CCDC81: variants seen among roughly 807,000 people sequenced by gnomAD.
The protein encoded by CCDC81 is coiled-coil domain-containing protein 81.
CCDC81 carries 79 observed loss-of-function variants against 83.7 expected under a neutral mutation model. That is an observed-to-expected ratio of 0.94 (90% CI 0.79 to 1.14). The LOEUF (loss-of-function observed/expected upper bound fraction) is 1.14. Among genes scored for constraint, CCDC81 ranks in the 50% most tolerant of loss-of-function variants. CCDC81 has a pLI of 0.00. For missense variants in CCDC81, 791 were observed against 778.1 expected (o/e 1.02, Z -0.20); for synonymous variants, 252 against 278.1 (o/e 0.91, Z 0.93).
chr11:86,384,345 G>T (rs1948212578), intron 1 of CCDC81, among the ~76,000 whole-genome samples: 1 of 152,072 alleles, frequency 6.6e-6, no homozygotes, highest in Admixed American at 6.6e-5. Flanking sequence ...AAGGTAGGGT[G>T]GGCAGAGTAA....
chr11:86,412,426 C>A lies in CCDC81; in HGVS notation c.1258C>A (p.Leu420Ile). 1.2e-6 allele frequency: 2 copies of A among 1,612,992 alleles called. No homozygotes were observed. The highest frequency in any genetic ancestry group is 1.7e-6 in the Non-Finnish European group (2 of 1,179,558). Residue 420 changes from leucine to isoleucine, a missense_variant, in exon 11 of 15, where the codon CTT becomes ATT. Physicochemically the swap from Leu to Ile is conservative, Grantham distance 5. Coordinates refer to ENST00000445632, the MANE Select transcript of CCDC81 (RefSeq NM_001156474.2). ...TGACAAACGGCCACTCAGTCCTGCG[C>A]TTAATGCTCTTAAGCAAGAGGAATA... ...LFDKRPLSPA[L>I]NALKQEEYSR...
intron 3 of CCDC81, among the ~76,000 whole-genome samples, chr11:86,389,770 T>A (rs1948297501): frequency 6.6e-6 from 1 of 152,212 alleles, no homozygotes; most frequent in South Asian, 2.1e-4. Flanking sequence ...TTTTAAATAT[T>A]AGTAAGACAT....
At chr11:86,395,797 A>G (rs1338036479) in intron 5 of CCDC81, among the ~76,000 whole-genome samples, 1 of 151,870 alleles carries the variant, frequency 6.6e-6, no homozygotes, top group Admixed American at 6.6e-5. Flanking sequence ...TAATTTTTGT[A>G]CTTTTAGTAG....
intron 14 of CCDC81, among the ~76,000 whole-genome samples, chr11:86,421,043 T>C (rs1018288658): frequency 6.6e-6 from 1 of 152,106 alleles, no homozygotes; most frequent in South Asian, 2.1e-4. Context: ...CAGGAAATAA[T>C]GTTGAGTGGC....
At chr11:86,381,209 C>T (rs1203281872) in intron 1 of CCDC81, among the ~76,000 whole-genome samples, 1 of 152,108 alleles carries the variant, frequency 6.6e-6, no homozygotes, top group Non-Finnish European at 1.5e-5. Flanking sequence ...CTAAAGTGGA[C>T]TGGAGTTGGT....
At chr11:86,409,416 T>G in intron 10 of CCDC81, 51 bp downstream of exon 10, 1 of 881,806 alleles carries the variant, frequency 1.1e-6, no homozygotes, top group African/African-American at 1.7e-5. Context: ...TCTGTGAGCC[T>G]TTGGATCCAC....
intron 6 of CCDC81, among the ~76,000 whole-genome samples, chr11:86,399,575 C>G (rs1948456467): frequency 6.6e-6 from 1 of 152,104 alleles, no homozygotes; most frequent in Non-Finnish European, 1.5e-5. Flanking sequence ...CTCGGCCTCC[C>G]AAAGTGTTGG....
Position 86,415,913 on chromosome 11 carries a change from A to G in CCDC81, c.1691+600A>G, listed in dbSNP as rs1474705452. Among the ~76,000 whole-genome samples the G allele has an allele frequency of 2.0e-5, 3 of 152,080 alleles. No individual in the cohort carries two copies. In the East Asian group the frequency reaches 5.8e-4, roughly 29 times the overall value. On this transcript the variant is annotated intron_variant, in intron 13 of 14. Coordinates refer to ENST00000445632, the MANE Select transcript of CCDC81 (RefSeq NM_001156474.2). Reference sequence around the variant, plus strand: ...GGTCTTGAACTTCAGGGTTCAAGCAATCCTCCTGCCTCAGCTTCCCAAAGT... The same window carrying G: ...GGTCTTGAACTTCAGGGTTCAAGCAGTCCTCCTGCCTCAGCTTCCCAAAGT...
chr11:86,395,408 T>G lies in CCDC81; in HGVS notation c.630T>G (p.Phe210Leu), dbSNP rs1948392977. 1 of 1,613,920 alleles carries G rather than the reference T, an allele frequency of 6.2e-7. No individual in the cohort carries two copies. The highest frequency in any genetic ancestry group is 8.5e-7 in the Non-Finnish European group (1 of 1,179,856). ...LRKWPSSVLA[F>L]PRIELKEMEN... The stretch of plus-strand genomic sequence containing the variant: ...AGTGGCCCAGCAGTGTGCTTGCGTT[T>G]CCAAGGTGAGTGCTTTGCTTCACGG... Residue 210 changes from phenylalanine to leucine, a missense_variant, in exon 5 of 15, where the codon TTT becomes TTG. Transcript: ENST00000445632.
chr11:86,401,230 G>A (rs927730024), intron 7 of CCDC81, among the ~76,000 whole-genome samples: 5 of 152,138 alleles, frequency 3.3e-5, no homozygotes, highest in African/African-American at 1.2e-4. Flanking sequence ...AACATTACTT[G>A]AATGAATGAG....
intron 2 of CCDC81, 91 bp from the exon 3 acceptor site, chr11:86,387,425 T>C: frequency 7.8e-7 from 1 of 1,284,326 alleles, no homozygotes; most frequent in Non-Finnish European, 1.1e-6. Flanking sequence ...CTAAGCTTAC[T>C]TCTCTTCGTG....
At chr11:86,381,213 AGTTG>A (rs769377578) in intron 1 of CCDC81, among the ~76,000 whole-genome samples, 6 of 152,096 alleles carry the variant, frequency 3.9e-5, no homozygotes, top group Non-Finnish European at 5.9e-5. Flanking sequence ...AGTGGACTGG[AGTTG>A]GTCATTTTCC....
In CCDC81 at chr11:86,415,166, G is replaced by GTGA. The variant is rs771467801; in HGVS notation, c.1545_1547dup (p.Gly515_Glu516insAsp). 4.3e-6 allele frequency: 7 copies of GTGA among 1,614,202 alleles called. No individual in the cohort carries two copies. The South Asian group carries it at 7.7e-5, about 18-fold the overall frequency. On this transcript the variant is annotated inframe_insertion, in exon 13 of 15. Coordinates refer to ENST00000445632, the MANE Select transcript of CCDC81 (RefSeq NM_001156474.2). ...GAGCCCATCTTTGGTAAGAATGAGG[G>GTGA]TGAACTGATGGTGGAAAAGCAAAAG...
At chr11:86,375,364 C>T in intron 1 of CCDC81, 122 bp downstream of exon 1, 1 of 743,626 alleles carries the variant, frequency 1.3e-6, no homozygotes, top group Admixed American at 2.6e-5. Context: ...GGCTAAGTTG[C>T]CTTGACAACC....
At position 86,397,698 on chromosome 11, in the gene CCDC81, AG is replaced by A. The variant is rs762777231; in HGVS notation, c.714del (p.Lys238AsnfsTer4). 1,904 of 1,613,944 alleles carry A rather than the reference AG, an allele frequency of 1.2e-3. 1 individual carries two copies. Among genetic ancestry groups the A allele is most frequent in the Non-Finnish European group, 1.5e-3 (1,788 of 1,179,916 alleles). On this transcript the variant is annotated frameshift_variant, in exon 6 of 15. Coordinates refer to ENST00000445632, the MANE Select transcript of CCDC81 (RefSeq NM_001156474.2). LOFTEE classifies it high-confidence loss of function. Reference sequence around the variant, plus strand: ...GAATGTGGAGAGAATAGAGAAAGGAAGTGCAAGTTAAAAGACCAGTCAGACA... The same window carrying A: ...GAATGTGGAGAGAATAGAGAAAGGAATGCAAGTTAAAAGACCAGTCAGACA... ...VEECGENRERKCKLKDQSDKE... is the reference protein window; with the variant it reads ...VEECGENRERXCKLKDQSDKE...
intron 1 of CCDC81, among the ~76,000 whole-genome samples, chr11:86,383,307 T>C (rs76265473): frequency 0.13 from 19,252 of 152,232 alleles, 1,975 homozygotes; most frequent in African/African-American, 0.28. Context: ...TGCTATACTA[T>C]TCCATATATC....
At chr11:86,376,278 G>T (rs1948097152) in intron 1 of CCDC81, among the ~76,000 whole-genome samples, 2 of 152,074 alleles carry the variant, frequency 1.3e-5, no homozygotes, top group Non-Finnish European at 2.9e-5. Context: ...GATTTTTTAG[G>T]GTAGTTGTAG....
At chr11:86,379,265 T>A (rs1050506546) in intron 1 of CCDC81, among the ~76,000 whole-genome samples, 3 of 151,984 alleles carry the variant, frequency 2.0e-5, no homozygotes, top group Non-Finnish European at 4.4e-5. Context: ...CCTGGCTAAT[T>A]TTTTGTATTT....
chr11:86,403,254 TA>T (rs560182184), intron 7 of CCDC81, among the ~76,000 whole-genome samples: 1 of 151,842 alleles, frequency 6.6e-6, no homozygotes, highest in African/African-American at 2.4e-5. Context: ...TACTTTTTCT[TA>T]AAAAAAAGTT....
Sources: allele counts gnomAD v4.1 joint callset (sites outside exome capture counted in the v4.1 genomes callset), GRCh38; gene constraint gnomAD v4.1.1; transcripts MANE v1.5; gene names NCBI Gene and HGNC (gene_info 2026-07-23, HGNC 2026-07-21).